DOCK5: variants seen among roughly 807,000 people sequenced by gnomAD.
DOCK5 encodes dedicator of cytokinesis 5.
In DOCK5, 142 loss-of-function variants were observed where a neutral mutation model predicts 251.8. The observed-to-expected ratio is 0.56, with a 90% confidence interval of 0.49 to 0.65. DOCK5 has a LOEUF of 0.65. Ranked by LOEUF, DOCK5 falls within the 30% of genes least tolerant of loss-of-function variation. The probability of loss-of-function intolerance (pLI) is 0.00; values close to 1 mark genes in which losing one functional copy is unlikely to be tolerated. For synonymous variants in DOCK5, 842 were observed against 835.5 expected (o/e 1.01, Z -0.13); for missense variants, 2,111 against 2,312.3 (o/e 0.91, Z 1.79).
chr8:25,314,788 A>G (rs1805199387), intron 13 of DOCK5, among the ~76,000 whole-genome samples: 1 of 116,816 alleles, frequency 8.6e-6, no homozygotes, highest in South Asian at 2.8e-4. Flanking sequence ...CATCCACTGC[A>G]CAAGCAAGAA....
chr8:25,200,559 C>G (rs1369036813), intron 1 of DOCK5, among the ~76,000 whole-genome samples: 2 of 151,070 alleles, frequency 1.3e-5, no homozygotes, highest in African/African-American at 4.9e-5. Flanking sequence ...CAAAATGTAT[C>G]AGGACCCCTA....
At chr8:25,354,094 A>G (rs1309274628) in intron 27 of DOCK5, among the ~76,000 whole-genome samples, 1 of 147,732 alleles carries the variant, frequency 6.8e-6, no homozygotes, top group Non-Finnish European at 1.5e-5. Context: ...CAAATCACTT[A>G]TATGTTTTAT....
In DOCK5 at chr8:25,254,784, AAAACAAAAC is replaced by A. The variant is rs1563326246; in HGVS notation, c.127+11031_127+11039del. Among the ~76,000 whole-genome samples the A allele has an allele frequency of 3.2e-3, 136 of 42,494 alleles. 43 individuals are homozygous for A. The South Asian group carries it at 0.043, about 13-fold the overall frequency. 27.9% of individuals were successfully genotyped at this position (42,494 alleles called of 152,430 possible). A position where few individuals can be genotyped will look rare whatever the true frequency, so the allele number is the denominator to read the frequency against. On this transcript the variant is annotated intron_variant, in intron 2 of 51. Coordinates refer to ENST00000276440, the MANE Select transcript of DOCK5 (RefSeq NM_024940.8). ...GCAAGACTTTGTCTCAAAAAAAAAC[AAAACAAAAC>A]AAAAAAAAAAAACATTTGATAAAGG...
At chr8:25,398,005 A>C (rs528190248) in intron 45 of DOCK5, among the ~76,000 whole-genome samples, 1 of 150,302 alleles carries the variant, frequency 6.7e-6, no homozygotes, top group Admixed American at 6.6e-5. Flanking sequence ...TATTTGATGT[A>C]ATATGTAATG....
At chr8:25,270,193 A>G (rs1803871080) in intron 3 of DOCK5, among the ~76,000 whole-genome samples, 1 of 152,140 alleles carries the variant, frequency 6.6e-6, no homozygotes. Flanking sequence ...TTCTACCCAC[A>G]GTTATTCTAG....
At chr8:25,271,726 T>C (rs1302176266) in intron 3 of DOCK5, among the ~76,000 whole-genome samples, 1 of 152,130 alleles carries the variant, frequency 6.6e-6, no homozygotes, top group African/African-American at 2.4e-5. Flanking sequence ...AGAAAATCAT[T>C]AGTTTATTTT....
At chr8:25,226,771 G>A (rs13439138) in intron 1 of DOCK5, among the ~76,000 whole-genome samples, 1 of 151,924 alleles carries the variant, frequency 6.6e-6, no homozygotes, top group Non-Finnish European at 1.5e-5. Flanking sequence ...ATTTTTAGTA[G>A]AAACGGGGTT....
chr8:25,410,972 T>TGTGTGTGTGTGTGTGTGC (rs1331552371), intron 51 of DOCK5, among the ~76,000 whole-genome samples: 23 of 19,182 alleles, frequency 1.2e-3, no homozygotes, highest in Non-Finnish European at 2.4e-3. Flanking sequence ...TGTGTGTGTG[T>TGTGTGTGTGTGTGTGTGC]GCGCGCGCGC....
At chr8:25,387,288 C>T (rs1801182451) in intron 40 of DOCK5, among the ~76,000 whole-genome samples, 1 of 151,864 alleles carries the variant, frequency 6.6e-6, no homozygotes, top group South Asian at 2.1e-4. Flanking sequence ...CTCAGGCAAT[C>T]CTGCCTCAGC....
intron 2 of DOCK5, among the ~76,000 whole-genome samples, chr8:25,258,207 C>T (rs1803471160): frequency 6.6e-6 from 1 of 151,936 alleles, no homozygotes; most frequent in South Asian, 2.1e-4. Flanking sequence ...ATTTGGTCCT[C>T]TTCCTCATCC....
chr8:25,265,002 C>T (rs1217414852), intron 2 of DOCK5, among the ~76,000 whole-genome samples: 1 of 151,908 alleles, frequency 6.6e-6, no homozygotes, highest in Non-Finnish European at 1.5e-5. Context: ...CATATAATAC[C>T]TGTGTCTGGT....
chr8:25,352,133 A>C (rs1212075634), intron 27 of DOCK5, among the ~76,000 whole-genome samples: 3 of 151,544 alleles, frequency 2.0e-5, no homozygotes, highest in Admixed American at 2.0e-4. Flanking sequence ...GGATCACTTA[A>C]ACGTGAGATG....
intron 50 of DOCK5, among the ~76,000 whole-genome samples, 158 bp downstream of exon 50, chr8:25,409,098 G>A (rs191894632): frequency 6.6e-6 from 1 of 152,324 alleles, no homozygotes; most frequent in Admixed American, 6.5e-5. Context: ...ACTGGAGTTT[G>A]GCAAGGAGGC....
chr8:25,270,974 T>C (rs2117118593), intron 3 of DOCK5: 1 of 471,992 alleles, frequency 2.1e-6, no homozygotes, highest in Non-Finnish European at 3.8e-6. Flanking sequence ...CCGTATTGTT[T>C]AGGGAATAAT....
intron 5 of DOCK5, among the ~76,000 whole-genome samples, chr8:25,288,308 G>A (rs969444091): frequency 6.6e-6 from 1 of 152,186 alleles, no homozygotes; most frequent in Non-Finnish European, 1.5e-5. Flanking sequence ...AACGCTCTTA[G>A]GAATGTAGCA....
chr8:25,382,518 G>T (rs976604700), intron 39 of DOCK5, among the ~76,000 whole-genome samples, 156 bp from the exon 40 acceptor site: 8 of 152,156 alleles, frequency 5.3e-5, no homozygotes, highest in African/African-American at 1.9e-4. Flanking sequence ...CCTGTGATCC[G>T]AGAATAGGAT....
rs74370154 is a variant in DOCK5 at position 25,237,956 on chromosome 8, T to G, written c.44-5718T>G. Reference sequence around the variant, plus strand: ...GTAAAGTTGAGTCTTGAATCCGTTTTGCTTACCCTGAGGTTTTTCTTGGTT... The same window carrying G: ...GTAAAGTTGAGTCTTGAATCCGTTTGGCTTACCCTGAGGTTTTTCTTGGTT... On this transcript the variant is annotated intron_variant, in intron 1 of 51. Transcript: ENST00000276440. Among the ~76,000 whole-genome samples the G allele has an allele frequency of 8.3e-3, 1,265 of 151,500 alleles. 22 individuals are homozygous for G. The highest frequency in any genetic ancestry group is 0.029 in the African/African-American group (1,201 of 40,770).
intron 18 of DOCK5, among the ~76,000 whole-genome samples, chr8:25,327,006 C>G (rs1805580634): frequency 6.6e-6 from 1 of 152,174 alleles, no homozygotes; most frequent in Admixed American, 6.5e-5. Flanking sequence ...AGGCAGATTG[C>G]CTGGCTTCAA....
At chr8:25,297,366 T>G (rs1472694431) in intron 7 of DOCK5, among the ~76,000 whole-genome samples, 1 of 152,084 alleles carries the variant, frequency 6.6e-6, no homozygotes, top group African/African-American at 2.4e-5. Flanking sequence ...CAAGCTGTTC[T>G]CCTGCCTCAG....
Sources: gnomAD v4.1 joint callset for allele counts (sites outside exome capture counted in the v4.1 genomes callset) on GRCh38, gnomAD v4.1.1 for gene constraint, MANE v1.5 for transcripts, NCBI Gene and HGNC (gene_info 2026-07-23, HGNC 2026-07-21) for gene names.